Variants in CERK observed in about 807,000 individuals in gnomAD.
CERK encodes the protein ceramide kinase.
A neutral mutation model predicts 63.4 loss-of-function variants in CERK; 39 were observed. That is an observed-to-expected ratio of 0.61 (90% CI 0.48 to 0.80). The LOEUF is 0.80. Ranked by LOEUF, CERK falls within the 30% of genes least tolerant of loss-of-function variation. The probability of loss-of-function intolerance (pLI) is 0.00; values close to 1 mark genes in which losing one functional copy is unlikely to be tolerated. For synonymous variants in CERK, 302 were observed against 280.0 expected (o/e 1.08, Z -0.78); for missense variants, 670 against 714.1 (o/e 0.94, Z 0.70).
rs778612259 is a variant in CERK at position 46,707,964 on chromosome 22, A to G, written c.594T>C (p.Gly198=). ...YDGIVCVGGD[G]MFSEVLHGLI... ...GACCGTGCAGCACCTCGCTGAACATACCATCTCCGCCGACACAGACGATGC... is the reference window on the plus strand; with the variant it reads ...GACCGTGCAGCACCTCGCTGAACATGCCATCTCCGCCGACACAGACGATGC... Residue 198 remains glycine, a synonymous_variant, in exon 6 of 13, where the codon GGT becomes GGC. Coordinates refer to ENST00000216264, the MANE Select transcript of CERK (RefSeq NM_022766.6). 6.2e-7 allele frequency: 1 copy of G among 1,611,512 alleles called. No individual in the cohort carries two copies. The highest frequency in any genetic ancestry group is 1.1e-5 in the South Asian group (1 of 90,996).
chr22:46,694,416 A>T (rs890257761), intron 9 of CERK, among the ~76,000 whole-genome samples: 11 of 152,164 alleles, frequency 7.2e-5, no homozygotes, highest in Admixed American at 4.6e-4. Flanking sequence ...CTGCTTGTTC[A>T]GTGGCGTAGC....
intron 3 of CERK, among the ~76,000 whole-genome samples, chr22:46,713,091 T>G (rs1298120483): frequency 6.6e-6 from 1 of 152,146 alleles, no homozygotes; most frequent in Non-Finnish European, 1.5e-5. Context: ...ACTTCCACAT[T>G]TCTGTTTTGG....
Position 46,720,206 on chromosome 22 carries a change from G to T in CERK, c.259C>A (p.His87Asn). Residue 87 changes from histidine (H) to asparagine (N), a missense_variant and splice_region_variant, in exon 3 of 13, where the codon CAC becomes AAC. By Grantham distance (68) the His-to-Asn change is moderately conservative. Transcript: ENST00000216264. ...TGCCGTCGTGCTCTCTTTACACAGT[G>T]AACTGCACAGAAGCAAGCATGCTCG... ...KMEKPYAFTVHCVKRARRHRW... is the reference protein window; with the variant it reads ...KMEKPYAFTVNCVKRARRHRW... 1.2e-6 allele frequency: 2 copies of T among 1,612,024 alleles called. No homozygotes were observed. The highest frequency in any genetic ancestry group is 2.2e-5 in the South Asian group (2 of 90,946).
chr22:46,699,541 C>T, intron 7 of CERK, 76 bp from the exon 8 acceptor site: 2 of 1,393,376 alleles, frequency 1.4e-6, no homozygotes, highest in Non-Finnish European at 2.0e-6. Context: ...CCTTCAATAG[C>T]ACTTTGCAAA....
chr22:46,713,529 A>C (rs1057096651), intron 3 of CERK, among the ~76,000 whole-genome samples: 2 of 146,436 alleles, frequency 1.4e-5, no homozygotes, highest in African/African-American at 5.2e-5. Context: ...AAAAAAAAAA[A>C]CAAACAAACA....
intron 3 of CERK, among the ~76,000 whole-genome samples, chr22:46,717,963 C>T (rs2082874325): frequency 1.3e-5 from 2 of 152,144 alleles, no homozygotes; most frequent in African/African-American, 4.8e-5. Flanking sequence ...TGCCTATAAT[C>T]TCAGCTACTT....
chr22:46,690,262 AG>A, intron 11 of CERK, 62 bp from the exon 12 acceptor site: 1 of 1,395,612 alleles, frequency 7.2e-7, no homozygotes, highest in African/African-American at 1.4e-5. Flanking sequence ...GTGGGGCAGC[AG>A]AACACCCCAG....
At chr22:46,710,555 A>G (rs992089027) in intron 5 of CERK, among the ~76,000 whole-genome samples, 1 of 152,200 alleles carries the variant, frequency 6.6e-6, no homozygotes, top group Non-Finnish European at 1.5e-5. Flanking sequence ...AATTTACCTT[A>G]AAAATGTAGA....
intron 9 of CERK, 129 bp from the exon 10 acceptor site, chr22:46,693,632 TA>T (rs1318459907): frequency 4.1e-6 from 3 of 734,928 alleles, no homozygotes; most frequent in Non-Finnish European, 6.9e-6. Context: ...CTTAACAAAA[TA>T]TTTTTTGGCA....
intron 5 of CERK, among the ~76,000 whole-genome samples, chr22:46,710,249 C>T (rs1489345557): frequency 6.6e-6 from 1 of 152,158 alleles, no homozygotes. Flanking sequence ...GCCTGGCCAA[C>T]ATGGCGAAAT....
chr22:46,726,167 T>C (rs2146588828), intron 1 of CERK, among the ~76,000 whole-genome samples: 1 of 152,334 alleles, frequency 6.6e-6, no homozygotes, highest in South Asian at 2.1e-4. Flanking sequence ...TGGCAGAACA[T>C]GCCGCTCCAG....
intron 8 of CERK, among the ~76,000 whole-genome samples, chr22:46,697,537 G>A (rs2082762403): frequency 6.6e-6 from 1 of 151,580 alleles, no homozygotes; most frequent in South Asian, 2.1e-4. Flanking sequence ...CAGAGGTCTC[G>A]CTCTGTTGCC....
intron 7 of CERK, 93 bp from the exon 8 acceptor site, chr22:46,699,558 A>G (rs2082773318): frequency 8.4e-7 from 1 of 1,195,850 alleles, no homozygotes; most frequent in African/African-American, 1.5e-5. Context: ...CAAACGTGGG[A>G]GTTACTTTTA....
chr22:46,687,578 TCCAC>T (rs373985770), intron 12 of CERK, among the ~76,000 whole-genome samples: 8 of 151,418 alleles, frequency 5.3e-5, no homozygotes, highest in African/African-American at 1.7e-4. Flanking sequence ...GTCTGCCCAC[TCCAC>T]CCACCCACCC....
chr22:46,705,595 C>A (rs1007220864), intron 6 of CERK, among the ~76,000 whole-genome samples: 7 of 152,110 alleles, frequency 4.6e-5, no homozygotes, highest in African/African-American at 1.7e-4. Flanking sequence ...TGCTTAAGCC[C>A]AGGAGGCAGA....
At chr22:46,689,422 G>A (rs1360233559) in intron 12 of CERK, among the ~76,000 whole-genome samples, 2 of 152,258 alleles carry the variant, frequency 1.3e-5, no homozygotes, top group African/African-American at 4.8e-5. Context: ...CAAGGCTGGA[G>A]TGCAGTGGCA....
chr22:46,696,385 C>A (rs761524148), intron 8 of CERK, among the ~76,000 whole-genome samples: 1 of 152,156 alleles, frequency 6.6e-6, no homozygotes, highest in Non-Finnish European at 1.5e-5. Context: ...CCCACAAGGA[C>A]GTCGTGTCCA....
rs1260843524 is a variant in CERK at position 46,699,322 on chromosome 22, C to T, written c.934G>A (p.Asp312Asn). 5.0e-6 allele frequency: 8 copies of T among 1,614,096 alleles called. No homozygotes were observed. The highest frequency in any genetic ancestry group is 1.6e-4 in the Middle Eastern group (1 of 6,062). ...CATTATTCTGAGTTACCTGAAAAGT[C>T]GTATCTGGCAAGACCCAACCACCGT... is the stretch of plus-strand genomic sequence containing the variant. ...KKRWLGLARY[D>N]FSGLKTFLSH... is the part of the protein sequence containing the mutation. The change falls in exon 8 of 13, where the codon GAC becomes AAC. Residue 312 changes from aspartate to asparagine, a missense_variant. By Grantham distance (23) the Asp-to-Asn change is conservative. Transcript: ENST00000216264.
intron 6 of CERK, among the ~76,000 whole-genome samples, chr22:46,703,229 C>G (rs2082796285): frequency 6.6e-6 from 1 of 152,198 alleles, no homozygotes; most frequent in Non-Finnish European, 1.5e-5. Context: ...TACATCAGGT[C>G]TCAAAGCAGC....
Sources: allele counts gnomAD v4.1 joint callset (sites outside exome capture counted in the v4.1 genomes callset), GRCh38; gene constraint gnomAD v4.1.1; transcripts MANE v1.5; gene names NCBI Gene and HGNC (gene_info 2026-07-23, HGNC 2026-07-21).